Variants in KPNA1 observed in about 807,000 individuals in gnomAD.
KPNA1 encodes the protein karyopherin subunit alpha 1.
Under a neutral mutation model 70.5 loss-of-function variants are expected in KPNA1, and 10 were observed. That is an observed-to-expected ratio of 0.14 (90% confidence interval 0.09 to 0.24). The LOEUF (loss-of-function observed/expected upper bound fraction) is 0.24. Among genes scored for constraint, KPNA1 ranks in the 10% least tolerant of loss-of-function variants. The pLI, the probability that KPNA1 is intolerant of heterozygous loss-of-function variation, is 1.00. For synonymous variants in KPNA1, 192 were observed against 221.9 expected, an observed-to-expected ratio of 0.87 and a Z score of 1.20; for missense variants, 397 against 637.9, an observed-to-expected ratio of 0.62 and a Z score of 4.07.
Position 122,442,114 on chromosome 3 carries a change from T to C in KPNA1, c.920A>G (p.His307Arg), listed in dbSNP as rs1358942940. ...VCRRLVELLM[H>R]NDYKVVSPAL... ...AGGAGAAACCACTTTATAATCATTA[T>C]GCCTGCAAAAACAAAAAGTAATGTT... The change falls in exon 10 of 14, where the codon CAT (histidine) becomes CGT (arginine). Residue 307 changes from histidine to arginine, a missense_variant and splice_region_variant. Coordinates refer to ENST00000344337, the MANE Select transcript of KPNA1 (RefSeq NM_002264.4). 3 of 1,611,794 alleles carry C rather than the reference T, an allele frequency of 1.9e-6. No individual in the cohort carries two copies. The highest frequency in any genetic ancestry group is 2.5e-6 in the Non-Finnish European group (3 of 1,177,906).
At position 122,491,850 on chromosome 3, in the gene KPNA1, ATTTTTTTTTTTT is replaced by A. The variant is rs67916227; in HGVS notation, c.129+4575_129+4586del. Among the ~76,000 whole-genome samples, 143 of 64,908 alleles carry A rather than the reference ATTTTTTTTTTTT, an allele frequency of 2.2e-3. 1 individual carries two copies. Among genetic ancestry groups the A allele is most frequent in the Middle Eastern group, 0.013 (1 of 80 alleles). 42.6% of individuals were successfully genotyped at this position (64,908 alleles called of 152,430 possible). ...TGCAAAGCAATGCTTTGACCATCAC[ATTTTTTTTTTTT>A]TTTTTTTTTTTTTTTTTGAGACGGA... On this transcript the variant is annotated intron_variant, in intron 2 of 13. Transcript: ENST00000344337.
intron 11 of KPNA1, among the ~76,000 whole-genome samples, chr3:122,434,737 T>G (rs1000262231): frequency 6.6e-6 from 1 of 152,238 alleles, no homozygotes; most frequent in Non-Finnish European, 1.5e-5. Context: ...GTACTAACAC[T>G]AAAGTAGCCT....
At chr3:122,475,503 A>G (rs2076487325) in intron 2 of KPNA1, among the ~76,000 whole-genome samples, 3 of 152,208 alleles carry the variant, frequency 2.0e-5, no homozygotes, top group Admixed American at 2.0e-4. Context: ...TTAAAATCCT[A>G]AAATTCATAT....
intron 3 of KPNA1, among the ~76,000 whole-genome samples, chr3:122,465,211 T>A (rs914142699): frequency 6.6e-6 from 1 of 152,028 alleles, no homozygotes; most frequent in Non-Finnish European, 1.5e-5. Flanking sequence ...GCAGAAGGAG[T>A]TAGTAAAGAT....
chr3:122,457,814 G>A (rs2076280346), intron 5 of KPNA1: 2 of 1,289,676 alleles, frequency 1.6e-6, no homozygotes, highest in Non-Finnish European at 2.0e-6. Flanking sequence ...CACTTTGCCG[G>A]TTCCACTCTG....
intron 8 of KPNA1, among the ~76,000 whole-genome samples, chr3:122,451,044 C>A (rs1385947644): frequency 6.6e-6 from 1 of 152,060 alleles, no homozygotes; most frequent in Non-Finnish European, 1.5e-5. Flanking sequence ...CTGGGTACAG[C>A]GTACACTGCT....
intron 10 of KPNA1, 130 bp from the exon 11 acceptor site, chr3:122,437,425 G>T (rs1377278393): frequency 5.1e-6 from 3 of 590,182 alleles, no homozygotes; most frequent in South Asian, 2.8e-5. Context: ...CTTTATACAG[G>T]TAAAAAAAAG....
intron 11 of KPNA1, among the ~76,000 whole-genome samples, chr3:122,435,670 C>T (rs547736659): frequency 6.6e-6 from 1 of 152,298 alleles, no homozygotes; most frequent in East Asian, 1.9e-4. Flanking sequence ...CAAATTAATA[C>T]TTTTATCATT....
intron 2 of KPNA1, among the ~76,000 whole-genome samples, chr3:122,489,545 T>C (rs1299490245): frequency 6.6e-6 from 1 of 152,180 alleles, no homozygotes; most frequent in African/African-American, 2.4e-5. Context: ...ACTGGGATTA[T>C]AGGTGTGAAC....
At chr3:122,467,073 A>T (rs1338857806) in intron 3 of KPNA1, among the ~76,000 whole-genome samples, 1 of 150,964 alleles carries the variant, frequency 6.6e-6, no homozygotes, top group African/African-American at 2.4e-5. Context: ...TTCTTATTCA[A>T]CTTTTAAAGA....
chr3:122,427,218 A>G, intron 13 of KPNA1, 46 bp from the exon 14 acceptor site: 3 of 1,381,752 alleles, frequency 2.2e-6, no homozygotes, highest in Non-Finnish European at 3.1e-6. Context: ...ACTTCAATAA[A>G]TATTGGAAAT....
At chr3:122,496,370 G>A (rs2076761925) in intron 2 of KPNA1, 67 bp downstream of exon 2, 16 of 1,324,344 alleles carry the variant, frequency 1.2e-5, no homozygotes, top group Middle Eastern at 3.8e-4. Flanking sequence ...CTAAAATGAA[G>A]ATAGTTTCAG....
intron 2 of KPNA1, among the ~76,000 whole-genome samples, chr3:122,479,622 T>C (rs2076547922): frequency 6.6e-6 from 1 of 151,074 alleles, no homozygotes; most frequent in Non-Finnish European, 1.5e-5. Context: ...TAGCCGGGAG[T>C]GGTGGTAGGC....
intron 5 of KPNA1, among the ~76,000 whole-genome samples, chr3:122,455,642 A>G (rs923495333): frequency 2.0e-5 from 3 of 151,752 alleles, no homozygotes; most frequent in Non-Finnish European, 4.4e-5. Flanking sequence ...TGCAACCTCC[A>G]CCTCCCGGAT....
intron 2 of KPNA1, among the ~76,000 whole-genome samples, chr3:122,480,498 A>G (rs2076558880): frequency 6.6e-6 from 1 of 152,134 alleles, no homozygotes; most frequent in Non-Finnish European, 1.5e-5. Flanking sequence ...TTTTTCAGAC[A>G]CATACAAACT....
At chr3:122,466,250 A>C (rs1250758927) in intron 3 of KPNA1, among the ~76,000 whole-genome samples, 2 of 152,062 alleles carry the variant, frequency 1.3e-5, no homozygotes, top group African/African-American at 4.8e-5. Context: ...ATTTACCAAA[A>C]AAAAAGGTGG....
At chr3:122,459,394 GGAAA>G in intron 5 of KPNA1, 1 of 984,162 alleles carries the variant, frequency 1.0e-6, no homozygotes, top group Non-Finnish European at 1.2e-6. Context: ...CCCAGAGACA[GGAAA>G]GAAACACTTT....
chr3:122,468,355 C>T (rs1560038231), intron 2 of KPNA1, among the ~76,000 whole-genome samples: 1 of 151,826 alleles, frequency 6.6e-6, no homozygotes, highest in African/African-American at 2.4e-5. Context: ...AAAAAGAACA[C>T]CCAAGATCTA....
At chr3:122,513,766 A>G (rs2076982459) in intron 1 of KPNA1, among the ~76,000 whole-genome samples, 1 of 150,662 alleles carries the variant, frequency 6.6e-6, no homozygotes, top group Admixed American at 6.6e-5. Flanking sequence ...TACGTTTCAG[A>G]AAAAAAAATA....
Sources: gnomAD v4.1 joint callset for allele counts (sites outside exome capture counted in the v4.1 genomes callset) on GRCh38, gnomAD v4.1.1 for gene constraint, MANE v1.5 for transcripts, NCBI Gene and HGNC (gene_info 2026-07-23, HGNC 2026-07-21) for gene names.